TRPS1: variants seen among roughly 807,000 people sequenced by gnomAD.
The protein encoded by TRPS1 is zinc finger transcription factor Trps1.
In TRPS1, 6 loss-of-function variants were observed where a neutral mutation model predicts 101.2. The ratio of observed to expected loss-of-function variants is 0.06; its 90% CI spans 0.03 to 0.12. The LOEUF (loss-of-function observed/expected upper bound fraction) is 0.12. TRPS1 is among the 10% of genes least tolerant of loss of function. TRPS1 has a pLI of 1.00. For missense variants in TRPS1, 1,363 were observed against 1,567.0 expected, an observed-to-expected ratio of 0.87 and a Z score of 2.20; for synonymous variants, 578 against 589.8, an observed-to-expected ratio of 0.98 and a Z score of 0.29.
At chr8:115,514,145 T>C (rs1333511302) in intron 5 of TRPS1, among the ~76,000 whole-genome samples, 3 of 151,770 alleles carry the variant, frequency 2.0e-5, no homozygotes, top group Admixed American at 6.6e-5. Flanking sequence ...ACTGAGAGAA[T>C]TGACTCCCTT....
intron 5 of TRPS1, among the ~76,000 whole-genome samples, chr8:115,584,536 C>T (rs1288586196): frequency 2.0e-5 from 3 of 151,480 alleles, no homozygotes; most frequent in African/African-American, 4.8e-5. Flanking sequence ...TAAATTATTA[C>T]AGGACATCTT....
At chr8:115,423,048 A>AGAG (rs1813107090) in intron 5 of TRPS1, among the ~76,000 whole-genome samples, 2 of 152,202 alleles carry the variant, frequency 1.3e-5, no homozygotes, top group Admixed American at 1.3e-4. Flanking sequence ...GAGTAGCTGC[A>AGAG]ATCTCTGCCC....
intron 5 of TRPS1, among the ~76,000 whole-genome samples, chr8:115,552,092 G>A (rs559668652): frequency 6.6e-6 from 1 of 152,156 alleles, no homozygotes; most frequent in Non-Finnish European, 1.5e-5. Flanking sequence ...AATTACTCAG[G>A]TTGTACTGCT....
At chr8:115,626,507 T>C (rs1348464931) in intron 1 of TRPS1, among the ~76,000 whole-genome samples, 2 of 151,766 alleles carry the variant, frequency 1.3e-5, no homozygotes, top group African/African-American at 2.4e-5. Context: ...GTAAACTCAA[T>C]GTCAGATCCT....
intron 1 of TRPS1, among the ~76,000 whole-genome samples, chr8:115,663,719 A>G (rs942931246): frequency 5.8e-5 from 8 of 137,216 alleles, no homozygotes; most frequent in Admixed American, 2.1e-4. Context: ...CTCTTGGAAA[A>G]GGAAAAAAAA....
chr8:115,630,161 A>G (rs989833235), intron 1 of TRPS1, among the ~76,000 whole-genome samples: 1 of 151,962 alleles, frequency 6.6e-6, no homozygotes, highest in African/African-American at 2.4e-5. Flanking sequence ...TGAGAGGATG[A>G]CCACAAGTTC....
chr8:115,446,453 T>C (rs980203056), intron 5 of TRPS1, among the ~76,000 whole-genome samples: 1 of 151,970 alleles, frequency 6.6e-6, no homozygotes, highest in African/African-American at 2.4e-5. Flanking sequence ...TTGAGATTGG[T>C]TCCTGTTTCA....
chr8:115,550,182 C>T (rs1359715468), intron 5 of TRPS1, among the ~76,000 whole-genome samples: 1 of 152,184 alleles, frequency 6.6e-6, no homozygotes, highest in Non-Finnish European at 1.5e-5. Flanking sequence ...CTATTGTACT[C>T]CAGCCTGGGC....
intron 3 of TRPS1, 74 bp from the exon 4 acceptor site, chr8:115,605,076 G>C (rs1353292165): frequency 4.3e-6 from 6 of 1,410,476 alleles, no homozygotes; most frequent in Non-Finnish European, 5.0e-6. Context: ...GGGAGGGGGA[G>C]GGTACTGCCA....
At position 115,414,825 on chromosome 8, in the gene TRPS1, G is replaced by C. The variant is rs1812875427; in HGVS notation, c.3083C>G (p.Ser1028Cys). Reference sequence around the variant, plus strand: ...GCTGACCAGGACTGGCTGCTGAGCAGAATGGCTTTTAGTCAATGAACCCTG... The same window carrying C: ...GCTGACCAGGACTGGCTGCTGAGCACAATGGCTTTTAGTCAATGAACCCTG... ...EAQGSLTKSH[S>C]AQQPVLVSQT... is the part of the protein sequence containing the mutation. Residue 1028 changes from serine to cysteine, a missense_variant, in exon 7 of 7, where the codon TCT becomes TGT. Ser to Cys is a moderately radical substitution (Grantham distance 112). Coordinates refer to ENST00000395715, the MANE Select transcript of TRPS1 (RefSeq NM_014112.5). This position sits in a 1 kb window ranked among gnomAD's most constrained non-coding sequence, Gnocchi z 4.8. The C allele has an allele frequency of 6.2e-7, 1 of 1,613,920 alleles. No homozygotes were observed. Among genetic ancestry groups the C allele is most frequent in the Non-Finnish European group, 8.5e-7 (1 of 1,179,976 alleles).
chr8:115,428,390 GTAA>G (rs1813239656), intron 5 of TRPS1, among the ~76,000 whole-genome samples: 1 of 152,152 alleles, frequency 6.6e-6, no homozygotes, highest in Admixed American at 6.5e-5. Flanking sequence ...TCACAGAAGA[GTAA>G]TGACAAAAAT....
chr8:115,455,022 CCTTT>C (rs1813981473), intron 5 of TRPS1, among the ~76,000 whole-genome samples: 1 of 152,148 alleles, frequency 6.6e-6, no homozygotes, highest in Non-Finnish European at 1.5e-5. Context: ...TGCCCAAGTT[CCTTT>C]GTGTTTTCAA....
At chr8:115,443,808 C>A (rs1586278828) in intron 5 of TRPS1, among the ~76,000 whole-genome samples, 1 of 152,198 alleles carries the variant, frequency 6.6e-6, no homozygotes, top group African/African-American at 2.4e-5. Flanking sequence ...TTTCCTCAAA[C>A]TCAAACTCAG....
intron 3 of TRPS1, among the ~76,000 whole-genome samples, chr8:115,610,924 C>T (rs530154806): frequency 8.5e-5 from 13 of 152,078 alleles, no homozygotes; most frequent in African/African-American, 3.1e-4. Context: ...CGAGACCAGC[C>T]TGGCCAACAT....
chr8:115,477,627 G>T (rs1023982805), intron 5 of TRPS1, among the ~76,000 whole-genome samples: 2 of 152,170 alleles, frequency 1.3e-5, no homozygotes, highest in African/African-American at 2.4e-5. Flanking sequence ...CATAATGTTA[G>T]AACCAGGTCA....
intron 4 of TRPS1, among the ~76,000 whole-genome samples, chr8:115,588,281 A>G (rs915539216): frequency 3.3e-5 from 5 of 152,220 alleles, no homozygotes; most frequent in Non-Finnish European, 7.4e-5. Flanking sequence ...AGTGAATTAA[A>G]TATTGCTCAC....
At chr8:115,448,036 T>G (rs35723491) in intron 5 of TRPS1, among the ~76,000 whole-genome samples, 1 of 152,112 alleles carries the variant, frequency 6.6e-6, no homozygotes, top group Non-Finnish European at 1.5e-5. Context: ...AAAAGGACCA[T>G]GCAAAATCCT....
intron 5 of TRPS1, among the ~76,000 whole-genome samples, chr8:115,479,207 T>C (rs887132514): frequency 6.6e-6 from 1 of 152,102 alleles, no homozygotes; most frequent in Non-Finnish European, 1.5e-5. Context: ...GTTAAACAAA[T>C]ATTAATTGAA....
intron 5 of TRPS1, among the ~76,000 whole-genome samples, chr8:115,545,103 T>A (rs535240903): frequency 1.3e-5 from 2 of 152,310 alleles, no homozygotes; most frequent in African/African-American, 4.8e-5. Context: ...TTGCAGCTTT[T>A]CTAGGTAGTT....
Sources: gnomAD v4.1 joint callset for allele counts (sites outside exome capture counted in the v4.1 genomes callset) on GRCh38, gnomAD v4.1.1 for gene constraint, Gnocchi (gnomAD v3.1) non-coding constraint, MANE v1.5 for transcripts, NCBI Gene and HGNC (gene_info 2026-07-23, HGNC 2026-07-21) for gene names.